SNX29: variants seen among roughly 807,000 people sequenced by gnomAD.
SNX29 encodes sorting nexin-29.
In SNX29, 78 loss-of-function variants were observed where a neutral mutation model predicts 102.1. The observed-to-expected ratio is 0.76, with a 90% CI of 0.64 to 0.92. The LOEUF is 0.92. Among genes scored for constraint, SNX29 ranks in the 40% least tolerant of loss-of-function variants. The pLI, the probability that SNX29 is intolerant of heterozygous loss-of-function variation, is 0.00. For missense variants in SNX29, 1,280 were observed against 1,061.7 expected (o/e 1.21, Z -2.86); for synonymous variants, 580 against 414.5 (o/e 1.40, Z -4.85).
At chr16:12,412,097 A>G (rs534181981) in intron 18 of SNX29, among the ~76,000 whole-genome samples, 3 of 152,168 alleles carry the variant, frequency 2.0e-5, no homozygotes, top group African/African-American at 7.2e-5. Context: ...CCGAAGTTCA[A>G]GGGCGGTTAC....
rs1004315849 is a variant in SNX29 at position 12,571,559 on chromosome 16, C to A, written c.*2930C>A. 12 of 1,000,102 alleles carry A rather than the reference C, an allele frequency of 1.2e-5. 1 individual carries two copies. In the South Asian group the frequency reaches 1.9e-4, roughly 16 times the overall value. 62.0% of individuals were successfully genotyped at this position (1,000,102 alleles called of 1,614,324 possible). Reference sequence around the variant, plus strand: ...CTTTGCTGGGAGGAAGAATCCACACCGAATCCTTCTGTCTTCATGGCCTGC... The same window carrying A: ...CTTTGCTGGGAGGAAGAATCCACACAGAATCCTTCTGTCTTCATGGCCTGC... On this transcript the variant is annotated 3_prime_UTR_variant, in exon 21 of 21. Transcript: ENST00000566228.
At position 12,129,675 on chromosome 16, in the gene SNX29, G is replaced by T. The variant is rs367917590; in HGVS notation, c.1512G>T (p.Ala504=). The T allele has an allele frequency of 2.5e-6, 4 of 1,611,152 alleles. No homozygotes were observed. Among genetic ancestry groups the T allele is most frequent in the Admixed American group, 1.7e-5 (1 of 59,898 alleles). ...ACGGTGAGATGGAGCACTCAGCCGCGCTCCGGCAAGAGGTGGACACCTTGA... is the reference window on the plus strand; with the variant it reads ...ACGGTGAGATGGAGCACTCAGCCGCTCTCCGGCAAGAGGTGGACACCTTGA... ...LLDGEMEHSA[A]LRQEVDTLKR... Residue 504 remains alanine (A), a synonymous_variant, in exon 13 of 21, where the codon GCG becomes GCT. Transcript: ENST00000566228.
chr16:12,138,192 A>C (rs2141478112), intron 13 of SNX29, among the ~76,000 whole-genome samples: 1 of 151,768 alleles, frequency 6.6e-6, no homozygotes, highest in Admixed American at 6.6e-5. Flanking sequence ...CTGAAAAAAA[A>C]AGAATTTGTC....
intron 11 of SNX29, among the ~76,000 whole-genome samples, chr16:12,095,945 C>G (rs905374583): frequency 1.3e-5 from 2 of 152,214 alleles, no homozygotes; most frequent in African/African-American, 4.8e-5. Context: ...CATCGCCTAG[C>G]AACACAATTC....
rs373992603 is a variant in SNX29 at position 12,056,202 on chromosome 16, C to T, written c.1124+3980C>T. 2.4e-4 allele frequency among the ~76,000 whole-genome samples: 36 copies of T among 152,318 alleles called. 2 individuals carry two copies. The South Asian group carries it at 4.8e-3, about 20-fold the overall frequency. ...TGGCCATGTGCCTTTACTTTGTAATCTGGGCCTTTGAGGAGATGCTGCTTG... is the reference window on the plus strand; with the variant it reads ...TGGCCATGTGCCTTTACTTTGTAATTTGGGCCTTTGAGGAGATGCTGCTTG... On this transcript the variant is annotated intron_variant, in intron 8 of 20. Transcript: ENST00000566228.
chr16:12,494,153 G>T (rs1597600379), intron 19 of SNX29, among the ~76,000 whole-genome samples: 1 of 152,144 alleles, frequency 6.6e-6, no homozygotes, highest in Admixed American at 6.6e-5. Context: ...TTCAAGACCA[G>T]CCTGGGCAAG....
chr16:12,032,463 C>T (rs2057371807), intron 4 of SNX29, among the ~76,000 whole-genome samples: 1 of 152,078 alleles, frequency 6.6e-6, no homozygotes, highest in Non-Finnish European at 1.5e-5. Flanking sequence ...ACCTCGGCCT[C>T]CCAAAGTGCT....
chr16:12,065,058 G>C (rs1031103559), intron 9 of SNX29, among the ~76,000 whole-genome samples: 2 of 152,200 alleles, frequency 1.3e-5, no homozygotes, highest in African/African-American at 4.8e-5. Flanking sequence ...GCTGAGTGTT[G>C]GGAGGGAGAA....
chr16:12,548,473 G>C (rs1015550513), intron 20 of SNX29, among the ~76,000 whole-genome samples: 1 of 152,214 alleles, frequency 6.6e-6, no homozygotes, highest in Non-Finnish European at 1.5e-5. Context: ...ACAGCACCGG[G>C]CTTTCAGGAT....
chr16:12,555,434 C>G (rs190378399), intron 20 of SNX29, among the ~76,000 whole-genome samples: 1 of 152,078 alleles, frequency 6.6e-6, no homozygotes, highest in African/African-American at 2.4e-5. Flanking sequence ...TTGTAGGAGA[C>G]ACTCATGTAC....
chr16:12,044,944 C>G (rs749640031), intron 5 of SNX29, among the ~76,000 whole-genome samples: 2 of 152,098 alleles, frequency 1.3e-5, no homozygotes, highest in Non-Finnish European at 2.9e-5. Context: ...ACGGGTAGTT[C>G]AGAGTTACAT....
Position 12,568,559 on chromosome 16 carries a change from G to A in SNX29, c.2372G>A (p.Arg791His), listed in dbSNP as rs568097988. The change falls in exon 21 of 21, where the codon CGC (arginine) becomes CAC (histidine). Residue 791 changes from arginine (R) to histidine (H), a missense_variant. Physicochemically the swap from Arg to His is conservative, Grantham distance 29. Transcript: ENST00000566228. Reference protein sequence around the residue: ...PVNSRPKAASRFPKLSRGQPR... With the variant: ...PVNSRPKAASHFPKLSRGQPR... ...AACAGCCGGCCCAAAGCAGCTTCCC[G>A]CTTCCCCAAACTGTCCCGGGGTCAG... 6.4e-5 allele frequency: 103 copies of A among 1,609,154 alleles called. No homozygotes were observed. Among genetic ancestry groups the A allele is most frequent in the South Asian group, 1.2e-4 (11 of 91,074 alleles).
intron 20 of SNX29, among the ~76,000 whole-genome samples, chr16:12,537,220 A>T (rs1393857785): frequency 6.6e-6 from 1 of 152,164 alleles, no homozygotes; most frequent in African/African-American, 2.4e-5. Flanking sequence ...TAGAGACCAG[A>T]CTGCAAGGTG....
chr16:12,481,455 CAT>C (rs1555549461), intron 19 of SNX29, among the ~76,000 whole-genome samples: 90 of 117,934 alleles, frequency 7.6e-4, no homozygotes, highest in Admixed American at 3.3e-3. Context: ...CACATATATA[CAT>C]ATATATATAC....
intron 13 of SNX29, among the ~76,000 whole-genome samples, chr16:12,178,707 C>T (rs1186913007): frequency 6.6e-6 from 1 of 152,150 alleles, no homozygotes; most frequent in African/African-American, 2.4e-5. Flanking sequence ...TAGTGGTGGT[C>T]GCCTGTCTTC....
In SNX29 at chr16:12,180,180, TA is replaced by T. The variant is rs144207824; in HGVS notation, c.1596-19413del. ...CTTTCTTCATATCCTTTTCTTTTTC[TA>T]AAAAAAACAAACAAAAAACAAACTT... On this transcript the variant is annotated intron_variant, in intron 13 of 20. Transcript: ENST00000566228. 1.3e-3 allele frequency among the ~76,000 whole-genome samples: 195 copies of T among 152,030 alleles called. 1 individual carries two copies. The highest frequency in any genetic ancestry group is 4.6e-3 in the African/African-American group (189 of 41,488).
intron 13 of SNX29, among the ~76,000 whole-genome samples, chr16:12,184,430 G>A (rs1220000108): frequency 3.9e-5 from 6 of 152,348 alleles, no homozygotes; most frequent in Admixed American, 3.3e-4. Flanking sequence ...GGAGGTCATG[G>A]CTGAGGAACA....
intron 14 of SNX29, among the ~76,000 whole-genome samples, chr16:12,222,502 T>C (rs980897904): frequency 2.6e-5 from 4 of 152,234 alleles, no homozygotes; most frequent in African/African-American, 9.6e-5. Flanking sequence ...GCTGGGCTTC[T>C]GGTGCAGGCA....
chr16:12,481,264 G>C (rs899161401), intron 19 of SNX29, among the ~76,000 whole-genome samples: 7 of 151,994 alleles, frequency 4.6e-5, no homozygotes, highest in African/African-American at 1.7e-4. Flanking sequence ...GGTGGGGGTG[G>C]ATCTGACCAC....
Sources: gnomAD v4.1 joint callset for allele counts (sites outside exome capture counted in the v4.1 genomes callset) on GRCh38, gnomAD v4.1.1 for gene constraint, MANE v1.5 for transcripts, NCBI Gene and HGNC (gene_info 2026-07-23, HGNC 2026-07-21) for gene names.